SOAT1: variants seen among roughly 807,000 people sequenced by gnomAD.
SOAT1 encodes sterol O-acyltransferase 1.
SOAT1 carries 55 observed loss-of-function variants against 69.5 expected under a neutral mutation model. The ratio of observed to expected loss-of-function variants is 0.79; its 90% CI spans 0.64 to 0.99. SOAT1 has a LOEUF of 0.99. SOAT1 is among the 50% of genes least tolerant of loss of function. The probability of loss-of-function intolerance (pLI) is 0.00; values close to 1 mark genes in which losing one functional copy is unlikely to be tolerated. For missense variants in SOAT1, 580 were observed against 669.3 expected, an observed-to-expected ratio of 0.87 and a Z score of 1.47; for synonymous variants, 231 against 224.7, an observed-to-expected ratio of 1.03 and a Z score of -0.25.
chr1:179,353,216 T>TATATAAATATATATATATAA (rs1351652483), intron 15 of SOAT1, among the ~76,000 whole-genome samples: 2 of 117,752 alleles, frequency 1.7e-5, no homozygotes, highest in South Asian at 2.5e-4. Context: ...TAAATATATA[T>TATATAAATATATATATATAA]ATATATATCT....
In SOAT1 at chr1:179,353,843, C is replaced by G. The variant is rs531520508; in HGVS notation, c.*202C>G. 2.0e-5 allele frequency: 11 copies of G among 540,996 alleles called. No homozygotes were observed. Among genetic ancestry groups the G allele is most frequent in the Non-Finnish European group, 3.2e-5 (10 of 309,070 alleles). 33.5% of individuals were successfully genotyped at this position (540,996 alleles called of 1,614,324 possible). A position where few individuals can be genotyped will look rare whatever the true frequency, so the allele number is the denominator to read the frequency against. ...TCTTGTACACTTAAGCAGAGCAGAA[C>G]TTTTTTTGTGGGGCTGGGTGGGGGG... is the stretch of plus-strand genomic sequence containing the variant. On this transcript the variant is annotated 3_prime_UTR_variant, in exon 16 of 16. Transcript: ENST00000367619.
chr1:179,339,603 C>G, intron 6 of SOAT1, 58 bp downstream of exon 6: 1 of 1,193,670 alleles, frequency 8.4e-7, no homozygotes, highest in Non-Finnish European at 1.2e-6. Flanking sequence ...GAGGTTTTCA[C>G]TAAATTTTGG....
intron 2 of SOAT1, among the ~76,000 whole-genome samples, chr1:179,308,802 T>C (rs74689949): frequency 6.6e-5 from 10 of 151,700 alleles, no homozygotes; most frequent in South Asian, 4.2e-4. Flanking sequence ...AAGTAATACT[T>C]CCTCAAGTAA....
chr1:179,312,592 C>T (rs138830911), intron 2 of SOAT1, among the ~76,000 whole-genome samples: 221 of 152,300 alleles, frequency 1.5e-3, no homozygotes, highest in African/African-American at 5.1e-3. Context: ...GGGAGACTGA[C>T]GTTAAGAACT....
At chr1:179,319,990 A>AT (rs796990022) in intron 2 of SOAT1, among the ~76,000 whole-genome samples, 66 of 147,720 alleles carry the variant, frequency 4.5e-4, no homozygotes, top group African/African-American at 1.5e-3. Context: ...AGATTTGCAA[A>AT]TTTTTTTTTT....
rs1205867858 is a variant in SOAT1, at chr1:179,348,843, G to A, written c.1216-1G>A. On this transcript the variant is annotated splice_acceptor_variant, in intron 12 of 15. Transcript: ENST00000367619. LOFTEE classifies it high-confidence loss of function. ...TTTTATACCTTTACTTTTTCCCTCA[G>A]GATTGGTGGAACTCCACGTCATACT... is the stretch of plus-strand genomic sequence containing the variant. The A allele has an allele frequency of 6.4e-7, 1 of 1,550,836 alleles. No homozygotes were observed. Among genetic ancestry groups the A allele is most frequent in the Non-Finnish European group, 8.9e-7 (1 of 1,127,358 alleles).
At chr1:179,301,299 A>G (rs1485354813) in intron 1 of SOAT1, among the ~76,000 whole-genome samples, 1 of 152,152 alleles carries the variant, frequency 6.6e-6, no homozygotes, top group Non-Finnish European at 1.5e-5. Flanking sequence ...CATGTTTTTT[A>G]GTGCTTAAAG....
intron 2 of SOAT1, among the ~76,000 whole-genome samples, chr1:179,309,024 C>T (rs1665126757): frequency 6.6e-6 from 1 of 152,186 alleles, no homozygotes; most frequent in African/African-American, 2.4e-5. Context: ...GTATTACAAG[C>T]AGTGCTACAG....
rs923874957 is a variant in SOAT1 at position 179,339,528 on chromosome 1, T to A, written c.480T>A (p.Asp160Glu). ...ILFILSTLVVDYIDEGRLVLE... is the reference protein window; with the variant it reads ...ILFILSTLVVEYIDEGRLVLE... Reference sequence around the variant, plus strand: ...TTATCCTCAGCACACTTGTAGTAGATTACATTGATGAAGGAAGGTAAGACA... The same window carrying A: ...TTATCCTCAGCACACTTGTAGTAGAATACATTGATGAAGGAAGGTAAGACA... The change falls in exon 6 of 16, where the codon GAT becomes GAA. Residue 160 changes from aspartate (D) to glutamate (E), a missense_variant. Coordinates refer to ENST00000367619, the MANE Select transcript of SOAT1 (RefSeq NM_003101.6). The A allele has an allele frequency of 5.0e-6, 8 of 1,607,784 alleles. No homozygotes were observed. Among genetic ancestry groups the A allele is most frequent in the Non-Finnish European group, 6.8e-6 (8 of 1,176,182 alleles).
At position 179,337,878 on chromosome 1, in the gene SOAT1, C is replaced by T. The variant is rs775098549; in HGVS notation, c.371C>T (p.Ala124Val). 6.2e-7 allele frequency: 1 copy of T among 1,609,300 alleles called. No individual in the cohort carries two copies. Among genetic ancestry groups the T allele is most frequent in the Non-Finnish European group, 8.5e-7 (1 of 1,177,538 alleles). The part of the protein sequence containing the change: ...APPEQGKIFI[A>V]RRSLLDELLE... ...CCAGAACAAGGAAAGATTTTTATTG[C>T]AAGGCGCTCTCTCTTAGAGTGAGTA... is the stretch of plus-strand genomic sequence containing the variant. Residue 124 changes from alanine (A) to valine (V), a missense_variant, in exon 5 of 16, where the codon GCA becomes GTA. Physicochemically the swap from Ala to Val is moderately conservative, Grantham distance 64 (BLOSUM62 0). Coordinates refer to ENST00000367619, the MANE Select transcript of SOAT1 (RefSeq NM_003101.6).
chr1:179,334,766 A>G (rs1171104961), intron 3 of SOAT1, among the ~76,000 whole-genome samples: 1 of 152,144 alleles, frequency 6.6e-6, no homozygotes, highest in African/African-American at 2.4e-5. Context: ...CTGTAATCCC[A>G]GCACTTTGGG....
intron 3 of SOAT1, among the ~76,000 whole-genome samples, chr1:179,327,960 G>A (rs540768572): frequency 3.3e-4 from 51 of 152,304 alleles, no homozygotes; most frequent in African/African-American, 1.2e-3. Flanking sequence ...ACAAACTTGT[G>A]TAACTCTGAG....
At chr1:179,341,477 T>G (rs12755434) in intron 7 of SOAT1, among the ~76,000 whole-genome samples, 167 bp downstream of exon 7, 28,233 of 152,082 alleles carry the variant, frequency 0.19, 2,797 homozygotes, top group Non-Finnish European at 0.22. Context: ...TCATCTCACC[T>G]CTTAAGTTTC....
chr1:179,301,713 C>T (rs981207762), intron 1 of SOAT1, among the ~76,000 whole-genome samples: 3 of 152,142 alleles, frequency 2.0e-5, no homozygotes, highest in Non-Finnish European at 4.4e-5. Flanking sequence ...AATGAGAAAA[C>T]TTAAAGCATC....
At chr1:179,313,394 TTA>T (rs398103404) in intron 2 of SOAT1, among the ~76,000 whole-genome samples, 2 of 141,582 alleles carry the variant, frequency 1.4e-5, no homozygotes, top group South Asian at 4.5e-4. Context: ...AACACTATAG[TTA>T]TGATATGTCA....
rs745458748 is a variant in SOAT1, at chr1:179,345,003, G to C, written c.1044G>C (p.Leu348Phe). ...YYIFERLCAP[L>F]FRNIKQEPFS... ...TCTTTGAAAGGCTTTGTGCCCCCTT[G>C]TTTCGGAATATCAAACAGGAGCCCT... is the stretch of plus-strand genomic sequence containing the variant. Residue 348 changes from leucine to phenylalanine, a missense_variant, in exon 11 of 16, where the codon TTG becomes TTC. Transcript: ENST00000367619. 1.9e-6 allele frequency: 3 copies of C among 1,614,030 alleles called. No homozygotes were observed. Among genetic ancestry groups the C allele is most frequent in the Non-Finnish European group, 2.5e-6 (3 of 1,179,970 alleles).
chr1:179,348,873 C>A lies in SOAT1; in HGVS notation c.1245C>A (p.Asn415Lys), dbSNP rs773637616. 2 of 1,608,460 alleles carry A rather than the reference C, an allele frequency of 1.2e-6. No homozygotes were observed. Among genetic ancestry groups the A allele is most frequent in the South Asian group, 2.2e-5 (2 of 90,964 alleles). ...KDWWNSTSYS[N>K]YYRTWNVVVH... The stretch of plus-strand genomic sequence containing the variant: ...GGTGGAACTCCACGTCATACTCCAA[C>A]TATTATAGAACCTGGAATGTGGTGG... Residue 415 changes from asparagine (N) to lysine (K), a missense_variant, in exon 13 of 16, where the codon AAC becomes AAA. By Grantham distance (94) the Asn-to-Lys change is moderately conservative. Coordinates refer to ENST00000367619, the MANE Select transcript of SOAT1 (RefSeq NM_003101.6).
intron 2 of SOAT1, among the ~76,000 whole-genome samples, chr1:179,313,900 T>C (rs1665306014): frequency 6.6e-6 from 1 of 152,166 alleles, no homozygotes; most frequent in South Asian, 2.1e-4. Context: ...TGTATGTTTA[T>C]AGGACGACAC....
At chr1:179,350,027 A>G (rs1041602055) in intron 13 of SOAT1, among the ~76,000 whole-genome samples, 5 of 152,220 alleles carry the variant, frequency 3.3e-5, no homozygotes, top group African/African-American at 1.2e-4. Context: ...TTTATATAGG[A>G]AAACTATGTT....
Sources: allele counts gnomAD v4.1 joint callset (sites outside exome capture counted in the v4.1 genomes callset), GRCh38; gene constraint gnomAD v4.1.1; transcripts MANE v1.5; gene names NCBI Gene and HGNC (gene_info 2026-07-23, HGNC 2026-07-21).